The following FHIT variants were observed in gnomAD, a reference collection of about 807,000 sequenced individuals.
FHIT encodes bis(5'-adenosyl)-triphosphatase.
Under a neutral mutation model 17.9 loss-of-function variants are expected in FHIT, and 19 were observed. The observed-to-expected ratio is 1.06, with a 90% CI of 0.74 to 1.56. The LOEUF is 1.56. Among genes scored for constraint, FHIT ranks in the 40% most tolerant of loss-of-function variants. The pLI, the probability that FHIT is intolerant of heterozygous loss-of-function variation, is 0.00. For missense variants in FHIT, 248 were observed against 189.2 expected (o/e 1.31, Z -1.82); for synonymous variants, 81 against 69.7 (o/e 1.16, Z -0.81).
intron 5 of FHIT, among the ~76,000 whole-genome samples, chr3:60,407,269 A>G (rs958173536): frequency 2.0e-5 from 3 of 151,900 alleles, no homozygotes; most frequent in African/African-American, 7.3e-5. Flanking sequence ...TTCGGTTGCT[A>G]AGTCTGTGAA....
chr3:60,999,510 A>C (rs1020332316), intron 3 of FHIT, among the ~76,000 whole-genome samples: 9 of 150,974 alleles, frequency 6.0e-5, no homozygotes, highest in African/African-American at 2.0e-4. Context: ...TTTTTTAAAA[A>C]GACATTATTA....
chr3:60,803,548 G>A (rs1390778244), intron 4 of FHIT, among the ~76,000 whole-genome samples: 3 of 152,158 alleles, frequency 2.0e-5, no homozygotes, highest in Admixed American at 6.6e-5. Context: ...TAAGCAATTG[G>A]ATGAGAAAGC....
At chr3:60,259,186 G>A (rs1279023345) in intron 5 of FHIT, among the ~76,000 whole-genome samples, 1 of 152,032 alleles carries the variant, frequency 6.6e-6, no homozygotes, top group African/African-American at 2.4e-5. Flanking sequence ...GAATTGCTGA[G>A]GTAGAGAAAT....
intron 4 of FHIT, among the ~76,000 whole-genome samples, chr3:60,600,883 A>G (rs1406810693): frequency 6.6e-6 from 1 of 152,168 alleles, no homozygotes; most frequent in East Asian, 1.9e-4. Context: ...AGAAAAATGC[A>G]TCCCTCTCAT....
intron 4 of FHIT, among the ~76,000 whole-genome samples, chr3:60,728,586 T>C (rs1440290188): frequency 2.6e-5 from 4 of 152,110 alleles, no homozygotes; most frequent in Admixed American, 2.6e-4. Flanking sequence ...TTGTTTTGCG[T>C]CGTTTTTTTA....
intron 2 of FHIT, among the ~76,000 whole-genome samples, chr3:61,060,557 G>C (rs958095779): frequency 1.3e-5 from 2 of 152,206 alleles, no homozygotes; most frequent in Non-Finnish European, 2.9e-5. Flanking sequence ...GTTTAGCCCT[G>C]TCATCTGTGT....
intron 2 of FHIT, among the ~76,000 whole-genome samples, chr3:61,081,605 G>A (rs906773805): frequency 3.3e-5 from 5 of 152,066 alleles, no homozygotes; most frequent in African/African-American, 9.7e-5. Context: ...GAGACTTCTG[G>A]TAGAATCCTT....
At chr3:60,445,192 C>G (rs2031239180) in intron 5 of FHIT, among the ~76,000 whole-genome samples, 1 of 152,058 alleles carries the variant, frequency 6.6e-6, no homozygotes. Flanking sequence ...TCCAGAGATT[C>G]TGATTCACTA....
rs940839476 is a variant in FHIT, at chr3:59,924,295, C to T, written c.280-1881G>A. On this transcript the variant is annotated intron_variant, in intron 7 of 9. Coordinates refer to ENST00000492590, the MANE Select transcript of FHIT (RefSeq NM_002012.4). The stretch of plus-strand genomic sequence containing the variant: ...TCTTTTTGTCCTTTCTTCTTTCTGT[C>T]CCCCTCCTCCTTTCTTCCCCTCTTC... Among the ~76,000 whole-genome samples, 3 of 152,104 alleles carry T rather than the reference C, an allele frequency of 2.0e-5. 1 individual carries two copies. In the South Asian group the frequency reaches 6.2e-4, roughly 32 times the overall value.
Position 60,955,597 on chromosome 3 carries a change from C to CATATATAT in FHIT, c.-111+86442_-111+86449dup, listed in dbSNP as rs201555469. On this transcript the variant is annotated intron_variant, in intron 3 of 9. Transcript: ENST00000492590. The stretch of plus-strand genomic sequence containing the variant: ...ATGTATCTGCTTAGGCATATATATA[C>CATATATAT]ATATATATATATATATATATATATA... 2.8e-3 allele frequency among the ~76,000 whole-genome samples: 215 copies of CATATATAT among 77,558 alleles called. 1 individual carries two copies. Among genetic ancestry groups the CATATATAT allele is most frequent in the African/African-American group, 0.011 (188 of 16,570 alleles). 50.9% of individuals were successfully genotyped at this position (77,558 alleles called of 152,430 possible).
rs191661080 is a variant in FHIT, at chr3:60,688,681, C to T, written c.-18+133238G>A. On this transcript the variant is annotated intron_variant, in intron 4 of 9. Coordinates refer to ENST00000492590, the MANE Select transcript of FHIT (RefSeq NM_002012.4). Reference sequence around the variant, plus strand: ...TCCTGGCCCCAGGTGATCCACCCACCTCAGCCTCCCAAAGTGCTGGGATTA... The same window carrying T: ...TCCTGGCCCCAGGTGATCCACCCACTTCAGCCTCCCAAAGTGCTGGGATTA... Among the ~76,000 whole-genome samples the T allele has an allele frequency of 4.5e-4, 69 of 152,176 alleles. No individual in the cohort carries two copies. The East Asian group carries it at 0.012, about 27-fold the overall frequency.
chr3:61,108,680 C>T (rs11712505), intron 2 of FHIT, among the ~76,000 whole-genome samples: 51,585 of 152,026 alleles, frequency 0.34, 11,084 homozygotes, highest in Non-Finnish European at 0.48. Flanking sequence ...ACAAGGCAAG[C>T]GGGCCTCAAG....
At chr3:60,852,397 C>G (rs1361700238) in intron 3 of FHIT, among the ~76,000 whole-genome samples, 1 of 152,104 alleles carries the variant, frequency 6.6e-6, no homozygotes, top group African/African-American at 2.4e-5. Context: ...CATATGGATA[C>G]ACACATCCTA....
At position 60,482,451 on chromosome 3, in the gene FHIT, T is replaced by G. The variant is rs2033652924; in HGVS notation, c.103+54409A>C. Among the ~76,000 whole-genome samples the G allele has an allele frequency of 3.3e-5, 5 of 152,154 alleles. No individual in the cohort carries two copies. The South Asian group carries it at 1.0e-3, about 32-fold the overall frequency. On this transcript the variant is annotated intron_variant, in intron 5 of 9. Transcript: ENST00000492590. ...TTGAAGTAAAACACTCCTCAGCAAA[T>G]GCAAAAGAACTGAAATCATAACAGT...
intron 5 of FHIT, among the ~76,000 whole-genome samples, chr3:60,383,332 A>C (rs1700882349): frequency 6.6e-6 from 1 of 152,146 alleles, no homozygotes; most frequent in Non-Finnish European, 1.5e-5. Context: ...AAATCACTGG[A>C]AACTTTAATT....
chr3:60,085,552 C>T (rs538082534), intron 5 of FHIT, among the ~76,000 whole-genome samples: 39 of 152,130 alleles, frequency 2.6e-4, no homozygotes, highest in South Asian at 2.5e-3. Flanking sequence ...TTTTTTCCTC[C>T]GGAATGTTCT....
At position 59,959,124 on chromosome 3, in the gene FHIT, A is replaced by C. The variant is rs150663897; in HGVS notation, c.280-36710T>G. Among the ~76,000 whole-genome samples, 433 of 152,320 alleles carry C rather than the reference A, an allele frequency of 2.8e-3. 1 individual carries two copies. The highest frequency in any genetic ancestry group is 0.01 in the Middle Eastern group (3 of 294). Reference sequence around the variant, plus strand: ...GAGTGCAGGCCTCCTTGCACGTATAATGACAACAGCCAGACAACAATGCAA... The same window carrying C: ...GAGTGCAGGCCTCCTTGCACGTATACTGACAACAGCCAGACAACAATGCAA... On this transcript the variant is annotated intron_variant, in intron 7 of 9. Transcript: ENST00000492590.
chr3:60,012,260 TTTG>T (rs1435927710), intron 6 of FHIT, among the ~76,000 whole-genome samples: 1 of 139,822 alleles, frequency 7.2e-6, no homozygotes, highest in East Asian at 2.2e-4. Context: ...AGGTGTTTTT[TTTG>T]TTGTTTTTTT....
intron 5 of FHIT, among the ~76,000 whole-genome samples, chr3:60,056,222 G>C (rs1221614283): frequency 6.6e-6 from 1 of 152,192 alleles, no homozygotes; most frequent in Non-Finnish European, 1.5e-5. Flanking sequence ...CAGCTCTTAA[G>C]AGACACACAG....
Sources: allele counts gnomAD v4.1 joint callset (sites outside exome capture counted in the v4.1 genomes callset), GRCh38; gene constraint gnomAD v4.1.1; transcripts MANE v1.5; gene names NCBI Gene and HGNC (gene_info 2026-07-23, HGNC 2026-07-21).